The following ZNF184 variants were observed in gnomAD, a reference collection of about 807,000 sequenced individuals.
The protein encoded by ZNF184 is zinc finger protein 184, also known as zinc finger protein 184 (Kruppel-like).
A neutral mutation model predicts 54.4 loss-of-function variants in ZNF184; 16 were observed. The observed-to-expected ratio is 0.29, with a 90% CI of 0.20 to 0.45. ZNF184 has a LOEUF of 0.45. Ranked by LOEUF, ZNF184 falls within the 20% of genes least tolerant of loss-of-function variation. The pLI is 1.00. For synonymous variants in ZNF184, 254 were observed against 295.3 expected, an observed-to-expected ratio of 0.86 and a Z score of 1.43; for missense variants, 681 against 888.2, an observed-to-expected ratio of 0.77 and a Z score of 2.97.
the ZNF184 span, among the ~76,000 whole-genome samples, chr6:27,409,515 A>AAAC: frequency 0.032 from 4,858 of 149,822 alleles, 190 homozygotes; most frequent in African/African-American, 0.084. Flanking sequence ...AAAAAAAAAA[A>AAAC]AAAAAACACA....
the ZNF184 span, among the ~76,000 whole-genome samples, chr6:27,437,524 C>G: frequency 1.3e-5 from 2 of 152,174 alleles, no homozygotes; most frequent in Admixed American, 6.5e-5. Flanking sequence ...TGATCAACAC[C>G]TTGATTTAAG....
chr6:27,407,857 A>C, the ZNF184 span: 10 of 791,086 alleles, frequency 1.3e-5, no homozygotes, highest in African/African-American at 1.5e-4. Flanking sequence ...ACTCATATCT[A>C]TAAGGAGAAA....
At chr6:27,424,846 C>G in the ZNF184 span, among the ~76,000 whole-genome samples, 1 of 152,192 alleles carries the variant, frequency 6.6e-6, no homozygotes, top group African/African-American at 2.4e-5. Context: ...GCCCTTGGGT[C>G]GTCGATGGGA....
chr6:27,462,490 G>A (rs918225125), intron 3 of ZNF184, among the ~76,000 whole-genome samples: 3 of 151,182 alleles, frequency 2.0e-5, no homozygotes, highest in Admixed American at 6.6e-5. Context: ...GAGCCACTGC[G>A]CCTGGCCAAG....
chr6:27,441,174 A>G, the ZNF184 span, among the ~76,000 whole-genome samples: 2 of 152,156 alleles, frequency 1.3e-5, no homozygotes, highest in African/African-American at 4.8e-5. Flanking sequence ...CATTGTGATG[A>G]GGTGGAAAAG....
At chr6:27,439,572 C>T in the ZNF184 span, among the ~76,000 whole-genome samples, 1 of 152,226 alleles carries the variant, frequency 6.6e-6, no homozygotes, top group Non-Finnish European at 1.5e-5. Context: ...ACAATACCTA[C>T]ATCATTCACC....
At chr6:27,470,358 G>A (rs1390290375) in intron 2 of ZNF184, among the ~76,000 whole-genome samples, 1 of 152,090 alleles carries the variant, frequency 6.6e-6, no homozygotes, top group African/African-American at 2.4e-5. Context: ...GAATAATATG[G>A]AGAAAAGCAG....
chr6:27,413,878 T>A, the ZNF184 span, among the ~76,000 whole-genome samples: 2 of 152,208 alleles, frequency 1.3e-5, no homozygotes, highest in Non-Finnish European at 2.9e-5. Context: ...GACTCTCACC[T>A]TTTCTATTCA....
In ZNF184 at chr6:27,465,016, C is replaced by CAAAAAAAAAAAAAAAAAAA. The variant is rs61602778; in HGVS notation, c.75+2818_75+2836dup. Among the ~76,000 whole-genome samples, 10 of 48,914 alleles carry CAAAAAAAAAAAAAAAAAAA rather than the reference C, an allele frequency of 2.0e-4. 2 individuals carry two copies. Among genetic ancestry groups the CAAAAAAAAAAAAAAAAAAA allele is most frequent in the African/African-American group, 1.0e-3 (9 of 8,696 alleles). The allele number at this position is 48,914 out of a possible 152,430, so 32.1% of individuals were successfully genotyped here. On this transcript the variant is annotated intron_variant, in intron 3 of 5. Transcript: ENST00000683788. ...TGGGCGACAGAGCAAGACTCTGTCT[C>CAAAAAAAAAAAAAAAAAAA]AAAAAAAAAAAAAAAAAAAAATAGA...
At chr6:27,445,088 AAT>A in the ZNF184 span, among the ~76,000 whole-genome samples, 4 of 152,316 alleles carry the variant, frequency 2.6e-5, no homozygotes, top group Admixed American at 2.6e-4. Flanking sequence ...GTGACAAAAT[AAT>A]TTTACTCCTA....
chr6:27,458,335 C>CTG (rs1762916978), intron 3 of ZNF184, among the ~76,000 whole-genome samples: 1 of 127,816 alleles, frequency 7.8e-6, no homozygotes, highest in Non-Finnish European at 1.6e-5. Flanking sequence ...CTACAGAGTT[C>CTG]AAGACAACCT....
At chr6:27,418,032 C>T in the ZNF184 span, among the ~76,000 whole-genome samples, 2 of 152,170 alleles carry the variant, frequency 1.3e-5, no homozygotes, top group Non-Finnish European at 2.9e-5. Flanking sequence ...ACTGATGTTA[C>T]AGAGTCTCTT....
chr6:27,409,546 A>T, the ZNF184 span, among the ~76,000 whole-genome samples: 2 of 151,388 alleles, frequency 1.3e-5, no homozygotes, highest in African/African-American at 2.4e-5. Flanking sequence ...ACAAACAAAA[A>T]ATATATATAT....
At chr6:27,434,404 T>A in the ZNF184 span, among the ~76,000 whole-genome samples, 3 of 152,226 alleles carry the variant, frequency 2.0e-5, no homozygotes, top group African/African-American at 7.2e-5. Flanking sequence ...GTGGTTTTTA[T>A]TTGCATTTTC....
intron 2 of ZNF184, among the ~76,000 whole-genome samples, chr6:27,468,469 G>T (rs1380576951): frequency 1.3e-5 from 2 of 152,132 alleles, no homozygotes; most frequent in Non-Finnish European, 2.9e-5. Flanking sequence ...AAAACTGGTA[G>T]TTTATACTAA....
At chr6:27,409,367 C>T in the ZNF184 span, among the ~76,000 whole-genome samples, 4 of 151,452 alleles carry the variant, frequency 2.6e-5, no homozygotes, top group African/African-American at 9.7e-5. Context: ...GGCGTGGTGG[C>T]GGGCGCCTGT....
At chr6:27,457,917 A>G (rs1429207644) in intron 3 of ZNF184, among the ~76,000 whole-genome samples, 1 of 152,248 alleles carries the variant, frequency 6.6e-6, no homozygotes, top group Non-Finnish European at 1.5e-5. Flanking sequence ...ATTCATATTT[A>G]TAAGAGTTAA....
Position 27,452,897 on chromosome 6 carries a change from G to T in ZNF184, c.662C>A (p.Ser221Tyr). 6.2e-7 allele frequency: 1 copy of T among 1,614,116 alleles called. No homozygotes were observed. Among genetic ancestry groups the T allele is most frequent in the African/African-American group, 1.3e-5 (1 of 75,042 alleles). Reference protein sequence around the residue: ...QNSNPVKKEKSCKCNECGKAF... With the variant: ...QNSNPVKKEKYCKCNECGKAF... ...TTTCCCACATTCATTGCACTTACAA[G>T]ATTTCTCTTTTTTAACTGGGTTTGA... Residue 221 changes from serine (S) to tyrosine (Y), a missense_variant, in exon 6 of 6, where the codon TCT (serine) becomes TAT (tyrosine). Transcript: ENST00000683788. This position sits in a 1 kb window ranked among gnomAD's most constrained non-coding sequence, Gnocchi z 5.5.
the ZNF184 span, among the ~76,000 whole-genome samples, chr6:27,441,553 T>A: frequency 6.6e-6 from 1 of 152,178 alleles, no homozygotes; most frequent in Non-Finnish European, 1.5e-5. Context: ...ACTTTCTATA[T>A]GATTGACCTT....
Sources: gnomAD v4.1 joint callset for allele counts (sites outside exome capture counted in the v4.1 genomes callset) on GRCh38, gnomAD v4.1.1 for gene constraint, Gnocchi (gnomAD v3.1) non-coding constraint, MANE v1.5 for transcripts, NCBI Gene and HGNC (gene_info 2026-07-23, HGNC 2026-07-21) for gene names.